The following CNTN6 variants were observed in gnomAD, a reference collection of about 807,000 sequenced individuals.
The protein encoded by CNTN6 is contactin-6.
In CNTN6, 137 loss-of-function variants were observed where a neutral mutation model predicts 122.8. The ratio of observed to expected loss-of-function variants is 1.12; its 90% CI spans 0.97 to 1.29. The LOEUF (loss-of-function observed/expected upper bound fraction) is 1.29. Among genes scored for constraint, CNTN6 ranks in the 50% most tolerant of loss-of-function variants. The pLI is 0.00. For synonymous variants in CNTN6, 570 were observed against 426.0 expected (o/e 1.34, Z -4.16); for missense variants, 1,634 against 1,223.4 (o/e 1.34, Z -5.01).
Position 1,381,899 on chromosome 3 carries a change from G to C in CNTN6, c.2167-1043G>C, listed in dbSNP as rs753170655. 4.8e-4 allele frequency among the ~76,000 whole-genome samples: 73 copies of C among 152,056 alleles called. 1 individual carries two copies. Among genetic ancestry groups the C allele is most frequent in the Non-Finnish European group, 1.2e-4 (8 of 68,026 alleles). ...AGAGTACAGAGATTCTGCCCTCATA[G>C]ATACTCACCAAGACGGTGCCTGTGG... On this transcript the variant is annotated intron_variant, in intron 17 of 22. Coordinates refer to ENST00000446702, the MANE Select transcript of CNTN6 (RefSeq NM_001289080.2).
intron 2 of CNTN6, among the ~76,000 whole-genome samples, chr3:1,201,326 T>C (rs989011145): frequency 6.6e-6 from 1 of 152,136 alleles, no homozygotes; most frequent in African/African-American, 2.4e-5. Context: ...ATGATTGGGT[T>C]AGCATCATGG....
At chr3:1,153,704 G>A (rs1312481753) in intron 2 of CNTN6, among the ~76,000 whole-genome samples, 1 of 152,150 alleles carries the variant, frequency 6.6e-6, no homozygotes, top group Non-Finnish European at 1.5e-5. Context: ...TTCAAACATA[G>A]CCTTTTATTG....
intron 2 of CNTN6, among the ~76,000 whole-genome samples, chr3:1,180,285 T>C (rs148954672): frequency 1.6e-3 from 248 of 152,304 alleles, no homozygotes; most frequent in African/African-American, 5.7e-3. Context: ...CAAGAATTAA[T>C]GAATCAAGAT....
At chr3:1,190,076 A>C (rs2093679944) in intron 2 of CNTN6, among the ~76,000 whole-genome samples, 1 of 152,174 alleles carries the variant, frequency 6.6e-6, no homozygotes, top group Admixed American at 6.5e-5. Context: ...CAACGCAGTG[A>C]ATCTGGTAAG....
chr3:1,292,696 C>T (rs2125852137), intron 5 of CNTN6, among the ~76,000 whole-genome samples: 1 of 152,278 alleles, frequency 6.6e-6, no homozygotes, highest in East Asian at 1.9e-4. Flanking sequence ...GCAGCTCATT[C>T]TAGTGTTTAG....
At chr3:1,175,875 T>A (rs1175707859) in intron 2 of CNTN6, among the ~76,000 whole-genome samples, 2 of 152,152 alleles carry the variant, frequency 1.3e-5, no homozygotes, top group Non-Finnish European at 2.9e-5. Flanking sequence ...TATTGCATTT[T>A]ATATAGATAC....
chr3:1,268,764 A>C (rs950330196), intron 4 of CNTN6, among the ~76,000 whole-genome samples: 1 of 152,106 alleles, frequency 6.6e-6, no homozygotes, highest in Non-Finnish European at 1.5e-5. Context: ...TCAGTCTTCA[A>C]GAAAATATGT....
intron 4 of CNTN6, among the ~76,000 whole-genome samples, chr3:1,272,683 C>T (rs1385741447): frequency 6.6e-6 from 1 of 152,012 alleles, no homozygotes; most frequent in Non-Finnish European, 1.5e-5. Flanking sequence ...CCCTGGGTAC[C>T]CATAGCCTTC....
chr3:1,233,331 C>T (rs545973324), intron 4 of CNTN6, among the ~76,000 whole-genome samples: 1 of 152,198 alleles, frequency 6.6e-6, no homozygotes, highest in Non-Finnish European at 1.5e-5. Flanking sequence ...GTGAGCTAGG[C>T]AGGGGTCTGG....
At position 1,387,801 on chromosome 3, in the gene CNTN6, G is replaced by A. The variant is rs951178763; in HGVS notation, c.2704+2004G>A. Among the ~76,000 whole-genome samples the A allele has an allele frequency of 7.4e-4, 112 of 152,138 alleles. 1 individual carries two copies. Among genetic ancestry groups the A allele is most frequent in the African/African-American group, 2.3e-3 (94 of 41,432 alleles). ...TTTCCAAGTCAAAGAAAGGGGTGAC[G>A]GACGCACCTGGAAAATTGGGTCACT... On this transcript the variant is annotated intron_variant, in intron 20 of 22. Transcript: ENST00000446702.
At chr3:1,221,456 G>A (rs756533171) in intron 3 of CNTN6, among the ~76,000 whole-genome samples, 13 of 152,112 alleles carry the variant, frequency 8.5e-5, no homozygotes, top group Non-Finnish European at 1.9e-4. Flanking sequence ...TGACTTCACT[G>A]GTGGGTCACA....
Position 1,322,027 on chromosome 3 carries a change from A to G in CNTN6, c.946+193A>G, listed in dbSNP as rs529848034. ...TTTAAAATATGGTTTTAATTTTAGC[A>G]TGGTCTATGAATGCTATTGTTTATT... On this transcript the variant is annotated intron_variant, in intron 8 of 22. Transcript: ENST00000446702. 6.6e-5 allele frequency among the ~76,000 whole-genome samples: 10 copies of G among 151,822 alleles called. No individual in the cohort carries two copies. In the South Asian group the frequency reaches 1.9e-3, roughly 28 times the overall value.
chr3:1,144,496 T>A (rs1473431346), intron 1 of CNTN6, among the ~76,000 whole-genome samples: 1 of 151,498 alleles, frequency 6.6e-6, no homozygotes, highest in Admixed American at 6.6e-5. Flanking sequence ...AATCACTTGA[T>A]CCCAAAAGGC....
chr3:1,398,182 AAATTTT>A (rs1695221768), intron 20 of CNTN6, among the ~76,000 whole-genome samples: 1 of 152,154 alleles, frequency 6.6e-6, no homozygotes, highest in Non-Finnish European at 1.5e-5. Context: ...AAGATGATAG[AAATTTT>A]AATTTTATCA....
chr3:1,224,708 G>A (rs1264670532), intron 3 of CNTN6, among the ~76,000 whole-genome samples: 6 of 151,804 alleles, frequency 4.0e-5, no homozygotes, highest in South Asian at 4.2e-4. Flanking sequence ...CACATATTAC[G>A]GAAGGACAGC....
chr3:1,397,727 G>A (rs115638270), intron 20 of CNTN6, among the ~76,000 whole-genome samples: 28 of 152,154 alleles, frequency 1.8e-4, no homozygotes, highest in Non-Finnish European at 3.4e-4. Context: ...GGCCCTTGAC[G>A]TTGACTGACT....
At chr3:1,201,583 T>G (rs1170368709) in intron 2 of CNTN6, among the ~76,000 whole-genome samples, 1 of 152,164 alleles carries the variant, frequency 6.6e-6, no homozygotes, top group African/African-American at 2.4e-5. Flanking sequence ...CTGTAACTAT[T>G]AGAACAACCC....
At chr3:1,144,689 C>T (rs1196486449) in intron 1 of CNTN6, among the ~76,000 whole-genome samples, 1 of 138,464 alleles carries the variant, frequency 7.2e-6, no homozygotes, top group Non-Finnish European at 1.6e-5. Flanking sequence ...CAGGACTAGG[C>T]AAAAATTTGT....
At chr3:1,370,782 A>C (rs1559943667) in intron 12 of CNTN6, among the ~76,000 whole-genome samples, 2 of 152,242 alleles carry the variant, frequency 1.3e-5, no homozygotes, top group South Asian at 4.1e-4. Context: ...TGGGAGGCGG[A>C]GGTTGCAATG....
Sources: gnomAD v4.1 joint callset for allele counts (sites outside exome capture counted in the v4.1 genomes callset) on GRCh38, gnomAD v4.1.1 for gene constraint, MANE v1.5 for transcripts, NCBI Gene and HGNC (gene_info 2026-07-23, HGNC 2026-07-21) for gene names.